Variants in FRA10AC1 observed in about 807,000 individuals in gnomAD.
FRA10AC1 encodes protein FRA10AC1.
Under a neutral mutation model 56.5 loss-of-function variants are expected in FRA10AC1, and 43 were observed. That is an observed-to-expected ratio of 0.76 (90% CI 0.60 to 0.98). The LOEUF is 0.98. FRA10AC1 is among the 50% of genes least tolerant of loss of function. The pLI, the probability that FRA10AC1 is intolerant of heterozygous loss-of-function variation, is 0.00. For synonymous variants in FRA10AC1, 112 were observed against 110.5 expected, an observed-to-expected ratio of 1.01 and a Z score of -0.09; for missense variants, 346 against 351.8, an observed-to-expected ratio of 0.98 and a Z score of 0.13.
At chr10:93,680,202 A>G (rs1045423564) in intron 11 of FRA10AC1, among the ~76,000 whole-genome samples, 1 of 152,234 alleles carries the variant, frequency 6.6e-6, no homozygotes, top group Non-Finnish European at 1.5e-5. Context: ...GAATGAACAT[A>G]TAATACAATG....
chr10:93,694,923 T>G lies in FRA10AC1; in HGVS notation c.234A>C (p.Thr78=). 1 of 1,541,336 alleles carries G rather than the reference T, an allele frequency of 6.5e-7. No individual in the cohort carries two copies. The highest frequency in any genetic ancestry group is 9.0e-7 in the Non-Finnish European group (1 of 1,113,442). Residue 78 remains threonine, a synonymous_variant, in exon 5 of 14, where the codon ACA becomes ACC. Coordinates refer to ENST00000359204, the MANE Select transcript of FRA10AC1 (RefSeq NM_145246.5). ...ATAAAATATAGTCATTTACGAACTT[T>G]GTATGTCTTTGATACTGAAATGCAA... The part of the protein sequence containing the change: ...LIAMDAYQRH[T]KFVNDYILYY...
intron 12 of FRA10AC1, chr10:93,675,130 A>G (rs1349463579): frequency 6.6e-6 from 1 of 152,232 alleles, no homozygotes; most frequent in African/African-American, 2.4e-5. Flanking sequence ...CAAAATAATT[A>G]TAAGGAATAT....
intron 12 of FRA10AC1, chr10:93,673,524 C>G (rs2058798289): frequency 2.7e-6 from 1 of 364,292 alleles, no homozygotes; most frequent in Admixed American, 3.8e-5. Context: ...GGTCTATCAT[C>G]TTGGTTTTTG....
intron 4 of FRA10AC1, among the ~76,000 whole-genome samples, chr10:93,697,417 G>A (rs1442433802): frequency 6.6e-6 from 1 of 152,170 alleles, no homozygotes; most frequent in East Asian, 1.9e-4. Flanking sequence ...GGTAGGGGGC[G>A]TATCAAATTG....
chr10:93,671,159 T>C (rs1391428136), intron 12 of FRA10AC1: 2 of 234,598 alleles, frequency 8.5e-6, no homozygotes, highest in Non-Finnish European at 1.7e-5. Flanking sequence ...AATATAGTTG[T>C]CTCTGATCTA....
intron 11 of FRA10AC1, 30 bp downstream of exon 11, chr10:93,681,450 A>G: frequency 7.5e-7 from 1 of 1,329,334 alleles, no homozygotes; most frequent in Admixed American, 2.4e-5. Context: ...CACAAATGTG[A>G]GTAGATGCCT....
chr10:93,692,104 G>T lies in FRA10AC1; in HGVS notation c.381-11C>A, dbSNP rs1329358981. On this transcript the variant is annotated splice_polypyrimidine_tract_variant and intron_variant, in intron 6 of 13. Coordinates refer to ENST00000359204, the MANE Select transcript of FRA10AC1 (RefSeq NM_145246.5). ...GCAAGTCTCTTCTCCCTAGACCCAT[G>T]AAAATATAAATATTATACATTTAGA... The T allele has an allele frequency of 6.8e-7, 1 of 1,467,996 alleles. No homozygotes were observed. The highest frequency in any genetic ancestry group is 2.6e-5 in the East Asian group (1 of 38,434). The allele number at this position is 1,467,996 out of a possible 1,614,324, so 90.9% of individuals were successfully genotyped here.
intron 11 of FRA10AC1, among the ~76,000 whole-genome samples, chr10:93,680,217 C>T (rs887918737): frequency 1.3e-5 from 2 of 151,974 alleles, no homozygotes; most frequent in Admixed American, 6.6e-5. Flanking sequence ...ACAATGAGGG[C>T]AACAAATTTC....
intron 5 of FRA10AC1, among the ~76,000 whole-genome samples, chr10:93,693,090 TA>T (rs1554896182): frequency 6.6e-6 from 1 of 151,810 alleles, no homozygotes; most frequent in Non-Finnish European, 1.5e-5. Flanking sequence ...GATTTAATTT[TA>T]AAAAATATGA....
At chr10:93,681,658 A>G in intron 10 of FRA10AC1, 60 bp from the exon 11 acceptor site, 1 of 1,389,380 alleles carries the variant, frequency 7.2e-7, no homozygotes, top group East Asian at 2.6e-5. Context: ...TTCAAAAATA[A>G]CCATCATATG....
At position 93,694,276 on chromosome 10, in the gene FRA10AC1, A is replaced by G. The variant is rs561408572; in HGVS notation, c.296+585T>C. On this transcript the variant is annotated intron_variant, in intron 5 of 13. Coordinates refer to ENST00000359204, the MANE Select transcript of FRA10AC1 (RefSeq NM_145246.5). ...TTTCAAAGATCTTTGCCAAGAAGACACATGAGTATTCTTCAGATATTCTTT... is the reference window on the plus strand; with the variant it reads ...TTTCAAAGATCTTTGCCAAGAAGACGCATGAGTATTCTTCAGATATTCTTT... Among the ~76,000 whole-genome samples, 5 of 152,278 alleles carry G rather than the reference A, an allele frequency of 3.3e-5. No homozygotes were observed. The South Asian group carries it at 1.0e-3, about 32-fold the overall frequency.
intron 4 of FRA10AC1, among the ~76,000 whole-genome samples, chr10:93,695,623 C>G (rs530882012): frequency 7.2e-5 from 11 of 152,088 alleles, no homozygotes; most frequent in African/African-American, 2.7e-4. Context: ...ACAATATTCT[C>G]TGTGACTATT....
chr10:93,695,885 T>C (rs1051561736), intron 4 of FRA10AC1, among the ~76,000 whole-genome samples: 1 of 149,474 alleles, frequency 6.7e-6, no homozygotes, highest in Non-Finnish European at 1.5e-5. Context: ...GGCCAGATGG[T>C]AAATATTTCA....
intron 12 of FRA10AC1, chr10:93,671,695 TAA>T (rs775253793): frequency 1.0e-5 from 2 of 196,586 alleles, no homozygotes; most frequent in Non-Finnish European, 2.1e-5. Flanking sequence ...ATCAAATTTT[TAA>T]AAAGTTACAA....
intron 9 of FRA10AC1, among the ~76,000 whole-genome samples, chr10:93,684,414 G>A (rs539317659): frequency 1.3e-5 from 2 of 151,846 alleles, no homozygotes; most frequent in South Asian, 4.2e-4. Context: ...TAATAATAAT[G>A]TGAGTATAGT....
At chr10:93,681,399 C>G (rs893785118) in intron 11 of FRA10AC1, 81 bp downstream of exon 11, 6 of 896,400 alleles carry the variant, frequency 6.7e-6, no homozygotes, top group Non-Finnish European at 1.0e-5. Flanking sequence ...AATGCATTCA[C>G]CAATTAGATG....
Position 93,681,614 on chromosome 10 carries a change from T to C in FRA10AC1, c.669-16A>G. ...TTCTTTTCTCCTTTGTGTTAAACAATATAAAATTAAAGTTAACTTTTCCAA... is the reference window on the plus strand; with the variant it reads ...TTCTTTTCTCCTTTGTGTTAAACAACATAAAATTAAAGTTAACTTTTCCAA... On this transcript the variant is annotated splice_polypyrimidine_tract_variant and intron_variant, in intron 10 of 13. Coordinates refer to ENST00000359204, the MANE Select transcript of FRA10AC1 (RefSeq NM_145246.5). 6.8e-7 allele frequency: 1 copy of C among 1,474,700 alleles called. No homozygotes were observed. The highest frequency in any genetic ancestry group is 9.0e-7 in the Non-Finnish European group (1 of 1,113,206). The allele number at this position is 1,474,700 out of a possible 1,614,324, so 91.4% of individuals were successfully genotyped here.
chr10:93,698,262 C>T (rs909231248), intron 3 of FRA10AC1, 39 bp downstream of exon 3: 1 of 1,535,434 alleles, frequency 6.5e-7, no homozygotes, highest in African/African-American at 1.4e-5. Context: ...TCCGAAGCAA[C>T]TTAAACCAAG....
At chr10:93,695,771 T>C (rs1211805013) in intron 4 of FRA10AC1, among the ~76,000 whole-genome samples, 1 of 151,514 alleles carries the variant, frequency 6.6e-6, no homozygotes, top group African/African-American at 2.4e-5. Flanking sequence ...ACCAAATACC[T>C]GGAGATCTGG....
Sources: allele counts gnomAD v4.1 joint callset (sites outside exome capture counted in the v4.1 genomes callset), GRCh38; gene constraint gnomAD v4.1.1; transcripts MANE v1.5; gene names NCBI Gene and HGNC (gene_info 2026-07-23, HGNC 2026-07-21).